FBXL12: variants seen among roughly 807,000 people sequenced by gnomAD.
The protein encoded by FBXL12 is F-box/LRR-repeat protein 12.
A neutral mutation model predicts 24.9 loss-of-function variants in FBXL12; 22 were observed. That is an observed-to-expected ratio of 0.88 (90% CI 0.63 to 1.26). FBXL12 has a LOEUF of 1.26. Among genes scored for constraint, FBXL12 ranks in the 50% most tolerant of loss-of-function variants. FBXL12 has a pLI of 0.00. For synonymous variants in FBXL12, 193 were observed against 193.8 expected, an observed-to-expected ratio of 1.00 and a Z score of 0.03; for missense variants, 384 against 434.1, an observed-to-expected ratio of 0.88 and a Z score of 1.03.
chr19:9,810,423 T>C lies in FBXL12; in HGVS notation c.*473A>G, dbSNP rs1225177465. 6.4e-6 allele frequency: 1 copy of C among 155,600 alleles called. No individual in the cohort carries two copies. The highest frequency in any genetic ancestry group is 6.5e-5 in the Admixed American group (1 of 15,396). The allele number at this position is 155,600 out of a possible 1,614,324, so 9.6% of individuals were successfully genotyped here. A position where few individuals can be genotyped will look rare whatever the true frequency, so the allele number is the denominator to read the frequency against. On this transcript the variant is annotated 3_prime_UTR_variant, in exon 3 of 3. Coordinates refer to ENST00000247977, the MANE Select transcript of FBXL12 (RefSeq NM_017703.3). ...GCATCGCCTATCTCTCCGCGTCTCT[T>C]GCGTGCGTGTAGGTATATAAATGGT...
Position 9,818,956 on chromosome 19 carries a change from G to A in FBXL12, c.-143C>T, listed in dbSNP as rs2045945089. 1 of 785,298 alleles carries A rather than the reference G, an allele frequency of 1.3e-6. No individual in the cohort carries two copies. The highest frequency in any genetic ancestry group is 1.8e-5 in the South Asian group (1 of 56,942). The allele number at this position is 785,298 out of a possible 1,614,324, so 48.6% of individuals were successfully genotyped here. ...CCTTCCTCTCGCTGGGAAGTGATTC[G>A]GTCCCAGGGCCGGACCAGCCGCGGA... On this transcript the variant is annotated 5_prime_UTR_variant, in exon 1 of 3. Coordinates refer to ENST00000247977, the MANE Select transcript of FBXL12 (RefSeq NM_017703.3).
At chr19:9,814,837 T>TC (rs1323730900) in intron 2 of FBXL12, among the ~76,000 whole-genome samples, 1 of 152,110 alleles carries the variant, frequency 6.6e-6, no homozygotes, top group East Asian at 1.9e-4. Flanking sequence ...TTCAATTATT[T>TC]CCCCTGGGTC....
In FBXL12 at chr19:9,818,895, G is replaced by A. The variant is rs1271963759; in HGVS notation, c.-82C>T. 1.1e-5 allele frequency: 14 copies of A among 1,306,264 alleles called. No homozygotes were observed. The highest frequency in any genetic ancestry group is 1.4e-5 in the Non-Finnish European group (13 of 943,534). 80.9% of individuals were successfully genotyped at this position (1,306,264 alleles called of 1,614,324 possible). A position where few individuals can be genotyped will look rare whatever the true frequency, so the allele number is the denominator to read the frequency against. On this transcript the variant is annotated 5_prime_UTR_variant, in exon 1 of 3. Transcript: ENST00000247977. ...GCGCCGAGGCGGCTGACAGGGCGGCGGCCGCGACCTTCCCGTAGCCGGTCG... is the reference window on the plus strand; with the variant it reads ...GCGCCGAGGCGGCTGACAGGGCGGCAGCCGCGACCTTCCCGTAGCCGGTCG...
At chr19:9,814,508 C>T (rs2045835632) in intron 2 of FBXL12, 1 of 150,878 alleles carries the variant, frequency 6.6e-6, no homozygotes, top group Admixed American at 6.6e-5. Context: ...GACTCCGACT[C>T]AAAGAAAAAT....
chr19:9,811,683 C>G lies in FBXL12; in HGVS notation c.194G>C (p.Arg65Thr). Residue 65 changes from arginine (R) to threonine (T), a missense_variant, in exon 3 of 3, where the codon AGG becomes ACG. By Grantham distance (71) the Arg-to-Thr change is moderately conservative. Coordinates refer to ENST00000247977, the MANE Select transcript of FBXL12 (RefSeq NM_017703.3). The surrounding 1 kb of genome is among the most constrained non-coding windows in gnomAD (Gnocchi z 6.0). ...RPKVMWHLLR[R>T]YMASRLHSLR... ...GGAATGGAGCCGGGATGCCATGTAC[C>G]TTCGAAGGAGGTGCCACATGACTTT... 2.6e-6 allele frequency: 4 copies of G among 1,513,826 alleles called. No individual in the cohort carries two copies. The highest frequency in any genetic ancestry group is 3.5e-6 in the Non-Finnish European group (4 of 1,131,634). The allele number at this position is 1,513,826 out of a possible 1,614,324, so 93.8% of individuals were successfully genotyped here. A position where few individuals can be genotyped will look rare whatever the true frequency, so the allele number is the denominator to read the frequency against.
At chr19:9,815,521 C>G (rs2045861046) in intron 2 of FBXL12, among the ~76,000 whole-genome samples, 1 of 152,174 alleles carries the variant, frequency 6.6e-6, no homozygotes, top group African/African-American at 2.4e-5. Flanking sequence ...GGGCTCTGAC[C>G]CCACATTTCC....
chr19:9,811,442 C>G lies in FBXL12; in HGVS notation c.435G>C (p.Gln145His), dbSNP rs375572016. 1.1e-5 allele frequency: 18 copies of G among 1,613,668 alleles called. No individual in the cohort carries two copies. Among genetic ancestry groups the G allele is most frequent in the Non-Finnish European group, 1.4e-5 (17 of 1,179,992 alleles). ...EISMAWLHKQ[Q>H]DPTVLPLLEC... Reference sequence around the variant, plus strand: ...CAAGCAGGGGCAGCACGGTGGGGTCCTGCTGCTTGTGGAGCCAGGCCATGG... The same window carrying G: ...CAAGCAGGGGCAGCACGGTGGGGTCGTGCTGCTTGTGGAGCCAGGCCATGG... The change falls in exon 3 of 3, where the codon CAG (glutamine) becomes CAC (histidine). Residue 145 changes from glutamine (Q) to histidine (H), a missense_variant. Gln to His is a conservative substitution (Grantham distance 24). Coordinates refer to ENST00000247977, the MANE Select transcript of FBXL12 (RefSeq NM_017703.3). The surrounding 1 kb of genome is among the most constrained non-coding windows in gnomAD (Gnocchi z 6.0).
At chr19:9,818,187 G>A in intron 2 of FBXL12, 1 of 428,876 alleles carries the variant, frequency 2.3e-6, no homozygotes, top group Non-Finnish European at 4.1e-6. Context: ...GAGCAGCAGA[G>A]CGAGACTCTG....
intron 2 of FBXL12, among the ~76,000 whole-genome samples, chr19:9,817,826 C>T (rs2045914690): frequency 6.6e-6 from 1 of 152,174 alleles, no homozygotes; most frequent in Non-Finnish European, 1.5e-5. Flanking sequence ...TTTGGACACA[C>T]ACATATGAAG....
Position 9,811,350 on chromosome 19 carries a change from C to G in FBXL12, c.527G>C (p.Arg176Pro), listed in dbSNP as rs147388336. Residue 176 changes from arginine to proline, a missense_variant, in exon 3 of 3, where the codon CGG (arginine) becomes CCG (proline). Transcript: ENST00000247977. The surrounding 1 kb of genome is among the most constrained non-coding windows in gnomAD (Gnocchi z 6.0). ...DEHLQGLTRF[R>P]ALRSLVLGGT... is the part of the protein sequence containing the mutation. ...ACCCAGCACCAGCGAGCGCAAGGCC[C>G]GGAAGCGCGTCAGGCCCTGCAGGTG... is the stretch of plus-strand genomic sequence containing the variant. 1 of 1,610,884 alleles carries G rather than the reference C, an allele frequency of 6.2e-7. No homozygotes were observed. The highest frequency in any genetic ancestry group is 8.5e-7 in the Non-Finnish European group (1 of 1,179,946).
Position 9,811,571 on chromosome 19 carries a change from G to T in FBXL12, c.306C>A (p.Pro102=). 1 of 1,594,746 alleles carries T rather than the reference G, an allele frequency of 6.3e-7. No homozygotes were observed. Among genetic ancestry groups the T allele is most frequent in the South Asian group, 1.1e-5 (1 of 88,378 alleles). ...CGTGCAGGCAGAGGCGCTTCAGGTT[G>T]GGGCACTTCTGGCCCAGGGCTCTCA... ...ALLRALGQKC[P]NLKRLCLHVA... The change falls in exon 3 of 3, where the codon CCC becomes CCA. Residue 102 remains proline, a synonymous_variant. Coordinates refer to ENST00000247977, the MANE Select transcript of FBXL12 (RefSeq NM_017703.3). The surrounding 1 kb of genome is among the most constrained non-coding windows in gnomAD (Gnocchi z 6.0).
chr19:9,817,064 C>T (rs1166427751), intron 2 of FBXL12, among the ~76,000 whole-genome samples: 1 of 152,180 alleles, frequency 6.6e-6, no homozygotes, highest in African/African-American at 2.4e-5. Flanking sequence ...ATTACTTTCC[C>T]CGGGTCCCTC....
Position 9,818,879 on chromosome 19 carries a change from C to A in FBXL12, c.-66G>T. 3 of 1,450,056 alleles carry A rather than the reference C, an allele frequency of 2.1e-6. No homozygotes were observed. Among genetic ancestry groups the A allele is most frequent in the East Asian group, 5.1e-5 (2 of 39,576 alleles). 89.8% of individuals were successfully genotyped at this position (1,450,056 alleles called of 1,614,324 possible). On this transcript the variant is annotated 5_prime_UTR_variant, in exon 1 of 3. Transcript: ENST00000247977. ...CCGAGGGGTCCTGGGGGCGCCGAGG[C>A]GGCTGACAGGGCGGCGGCCGCGACC...
At chr19:9,813,983 T>G (rs575113315) in intron 2 of FBXL12, among the ~76,000 whole-genome samples, 1 of 152,068 alleles carries the variant, frequency 6.6e-6, no homozygotes, top group African/African-American at 2.4e-5. Context: ...CTGAAGAAAA[T>G]AGCTTATCAT....
chr19:9,815,049 T>C (rs1405288153), intron 2 of FBXL12, among the ~76,000 whole-genome samples: 1 of 152,180 alleles, frequency 6.6e-6, no homozygotes, highest in East Asian at 1.9e-4. Flanking sequence ...CAAAGTCTCA[T>C]CTGAGACAAG....
rs1260453814 is a variant in FBXL12, at chr19:9,818,840, C to A, written c.-27G>T. 1.3e-6 allele frequency: 2 copies of A among 1,540,654 alleles called. No homozygotes were observed. Among genetic ancestry groups the A allele is most frequent in the African/African-American group, 2.7e-5 (2 of 73,196 alleles). ...ATCCCGCCGACACGCACTTCCGCTTCCGGTTAAAGAGACCCGAGGGGTCCT... is the reference window on the plus strand; with the variant it reads ...ATCCCGCCGACACGCACTTCCGCTTACGGTTAAAGAGACCCGAGGGGTCCT... On this transcript the variant is annotated 5_prime_UTR_variant, in exon 1 of 3. Transcript: ENST00000247977.
rs1406992880 is a variant in FBXL12 at position 9,818,104 on chromosome 19, C to T, written c.159+441G>A. The T allele has an allele frequency of 2.6e-5, 10 of 389,636 alleles. No individual in the cohort carries two copies. In the East Asian group the frequency reaches 3.7e-4, roughly 14 times the overall value. 24.1% of individuals were successfully genotyped at this position (389,636 alleles called of 1,614,324 possible). The stretch of plus-strand genomic sequence containing the variant: ...GCGAGCGCCCGTGGTTCCAGCTACT[C>T]AGGAGGCTGATGCGAGAGGATCGCT... On this transcript the variant is annotated intron_variant, in intron 2 of 2. Transcript: ENST00000247977.
intron 2 of FBXL12, chr19:9,814,377 G>A (rs2045832632): frequency 6.6e-6 from 1 of 152,260 alleles, no homozygotes; most frequent in Non-Finnish European, 1.5e-5. Flanking sequence ...GAGTGTGGTG[G>A]TGCATGCCTG....
rs748801685 is a variant in FBXL12, at chr19:9,811,445, C to A, written c.432G>T (p.Gln144His). Residue 144 changes from glutamine (Q) to histidine (H), a missense_variant, in exon 3 of 3, where the codon CAG (glutamine) becomes CAT (histidine). Physicochemically the swap from Gln to His is conservative, Grantham distance 24. Transcript: ENST00000247977. This position sits in a 1 kb window ranked among gnomAD's most constrained non-coding sequence, Gnocchi z 6.0. ...CEISMAWLHK[Q>H]QDPTVLPLLE... is the part of the protein sequence containing the mutation. ...GCAGGGGCAGCACGGTGGGGTCCTG[C>A]TGCTTGTGGAGCCAGGCCATGGAGA... 6.2e-7 allele frequency: 1 copy of A among 1,613,798 alleles called. No individual in the cohort carries two copies. Among genetic ancestry groups the A allele is most frequent in the South Asian group, 1.1e-5 (1 of 91,086 alleles).
Sources: gnomAD v4.1 joint callset for allele counts (sites outside exome capture counted in the v4.1 genomes callset) on GRCh38, gnomAD v4.1.1 for gene constraint, Gnocchi (gnomAD v3.1) non-coding constraint, MANE v1.5 for transcripts, NCBI Gene and HGNC (gene_info 2026-07-23, HGNC 2026-07-21) for gene names.